ANGPT2: variants seen among roughly 807,000 people sequenced by gnomAD.
ANGPT2 encodes angiopoietin-2.
A neutral mutation model predicts 62.9 loss-of-function variants in ANGPT2; 28 were observed. That is an observed-to-expected ratio of 0.44 (90% CI 0.33 to 0.61). The LOEUF (loss-of-function observed/expected upper bound fraction) is 0.61, where lower values mean the gene tolerates loss of function less well. Ranked by LOEUF, ANGPT2 falls within the 20% of genes least tolerant of loss-of-function variation. The probability of loss-of-function intolerance (pLI) is 0.03; values close to 1 mark genes in which losing one functional copy is unlikely to be tolerated. For missense variants in ANGPT2, 727 were observed against 594.9 expected (o/e 1.22, Z -2.31); for synonymous variants, 284 against 207.8 (o/e 1.37, Z -3.15).
chr8:6,521,034 T>C, intron 4 of ANGPT2, 144 bp downstream of exon 4: 3 of 628,506 alleles, frequency 4.8e-6, no homozygotes, highest in Non-Finnish European at 8.1e-6. Context: ...CCTTCTCTTC[T>C]TCCTTCATTT....
intron 3 of ANGPT2, among the ~76,000 whole-genome samples, chr8:6,525,989 G>A (rs1402807956): frequency 2.0e-5 from 3 of 152,146 alleles, no homozygotes; most frequent in African/African-American, 4.8e-5. Context: ...ATTAGGGTAT[G>A]TTCTACAAAC....
intron 8 of ANGPT2, among the ~76,000 whole-genome samples, chr8:6,507,054 C>T (rs2442467): frequency 0.18 from 28,075 of 151,898 alleles, 3,414 homozygotes; most frequent in African/African-American, 0.35. Flanking sequence ...TATGCCACCA[C>T]GCCTGGCTAA....
chr8:6,533,052 C>T lies in ANGPT2; in HGVS notation c.289-565G>A, dbSNP rs183460292. 1.6e-4 allele frequency among the ~76,000 whole-genome samples: 24 copies of T among 152,352 alleles called. No homozygotes were observed. In the East Asian group the frequency reaches 3.7e-3, roughly 23 times the overall value. On this transcript the variant is annotated intron_variant, in intron 1 of 8. Transcript: ENST00000629816. ...TCCACATTCTGTGGGGTCTTCCCCA[C>T]CTTCCTCCGTATTGAGTTAATTCGA...
chr8:6,512,080 C>T (rs1483891967), intron 7 of ANGPT2, among the ~76,000 whole-genome samples: 2 of 152,064 alleles, frequency 1.3e-5, no homozygotes, highest in South Asian at 4.2e-4. Context: ...TCTCATTCAT[C>T]TCGGTTGTTG....
rs1252116946 is a variant in ANGPT2, at chr8:6,500,696, C to G, written c.*2405G>C. 1 of 152,114 alleles carries G rather than the reference C, an allele frequency of 6.6e-6. No individual in the cohort carries two copies. The highest frequency in any genetic ancestry group is 1.5e-5 in the Non-Finnish European group (1 of 68,032). The allele number at this position is 152,114 out of a possible 1,614,324, so 9.4% of individuals were successfully genotyped here. On this transcript the variant is annotated 3_prime_UTR_variant, in exon 9 of 9. Transcript: ENST00000629816. Reference sequence around the variant, plus strand: ...AGATTACTGTTTGATTTCCTTTCAGCTTTATAAACATTTTCTTAAGGAGAG... The same window carrying G: ...AGATTACTGTTTGATTTCCTTTCAGGTTTATAAACATTTTCTTAAGGAGAG...
intron 2 of ANGPT2, among the ~76,000 whole-genome samples, chr8:6,532,066 T>C (rs1004362571): frequency 2.6e-5 from 4 of 152,176 alleles, no homozygotes; most frequent in Non-Finnish European, 5.9e-5. Flanking sequence ...CTTGCAGTGG[T>C]TGGGATGCGT....
chr8:6,556,140 G>A (rs1248682576), intron 1 of ANGPT2, among the ~76,000 whole-genome samples: 1 of 151,962 alleles, frequency 6.6e-6, no homozygotes, highest in South Asian at 2.1e-4. Flanking sequence ...AACTTCTCAG[G>A]CTCACTTTTT....
intron 1 of ANGPT2, among the ~76,000 whole-genome samples, chr8:6,540,912 C>T (rs965798107): frequency 2.0e-5 from 3 of 152,264 alleles, no homozygotes; most frequent in Non-Finnish European, 2.9e-5. Context: ...CCCAAGGAGC[C>T]CTGGGACAGT....
chr8:6,551,842 G>A (rs776899100), intron 1 of ANGPT2, among the ~76,000 whole-genome samples: 52 of 152,294 alleles, frequency 3.4e-4, no homozygotes, highest in Non-Finnish European at 5.9e-4. Context: ...ACTTTCTCGA[G>A]CAGAATTTTT....
At chr8:6,522,699 G>A (rs543115054) in intron 3 of ANGPT2, among the ~76,000 whole-genome samples, 76 of 151,638 alleles carry the variant, frequency 5.0e-4, no homozygotes, top group African/African-American at 1.8e-3. Flanking sequence ...GCTTGAACCC[G>A]GGAGGTGGAG....
chr8:6,513,869 A>C (rs373029452), intron 6 of ANGPT2, 25 bp from the exon 7 acceptor site: 1 of 1,580,784 alleles, frequency 6.3e-7, no homozygotes, highest in Non-Finnish European at 8.6e-7. Context: ...GTTAAATTCA[A>C]TTATTTCATG....
chr8:6,535,892 CAA>C (rs373792367), intron 1 of ANGPT2, among the ~76,000 whole-genome samples: 28,873 of 130,728 alleles, frequency 0.22, 3,445 homozygotes, highest in Admixed American at 0.31. Flanking sequence ...ACAAAAAATA[CAA>C]AAAAAAAAAA....
At chr8:6,555,432 T>C (rs914525165) in intron 1 of ANGPT2, among the ~76,000 whole-genome samples, 13 of 151,448 alleles carry the variant, frequency 8.6e-5, no homozygotes, top group African/African-American at 3.2e-4. Context: ...CTCTTGGTTA[T>C]AACATAATTT....
intron 1 of ANGPT2, among the ~76,000 whole-genome samples, chr8:6,535,619 C>T (rs1820343270): frequency 6.6e-6 from 1 of 152,078 alleles, no homozygotes; most frequent in South Asian, 2.1e-4. Context: ...ATATATACAG[C>T]TCTTGAAGCA....
chr8:6,531,186 G>A (rs73507122), intron 2 of ANGPT2, among the ~76,000 whole-genome samples: 2,329 of 151,616 alleles, frequency 0.015, 59 homozygotes, highest in African/African-American at 0.053. Context: ...CAGGCCGTTC[G>A]CTGGGTCACA....
At chr8:6,504,281 GC>G (rs1812810470) in intron 8 of ANGPT2, among the ~76,000 whole-genome samples, 1 of 131,460 alleles carries the variant, frequency 7.6e-6, no homozygotes, top group Admixed American at 9.2e-5. Context: ...TCGCGCCACT[GC>G]ACTCCAGCCT....
chr8:6,510,280 C>T (rs745467308), intron 7 of ANGPT2, among the ~76,000 whole-genome samples: 29 of 151,860 alleles, frequency 1.9e-4, no homozygotes, highest in African/African-American at 3.4e-4. Context: ...CATGTTGGCA[C>T]GTTGGGTCCT....
chr8:6,554,307 AG>A (rs1190299197), intron 1 of ANGPT2, among the ~76,000 whole-genome samples: 4 of 143,710 alleles, frequency 2.8e-5, no homozygotes, highest in African/African-American at 8.8e-5. Flanking sequence ...TTAAAAAGAG[AG>A]AAAAAAAAAA....
chr8:6,508,139 A>T lies in ANGPT2; in HGVS notation c.1327+793T>A, dbSNP rs183519259. On this transcript the variant is annotated intron_variant, in intron 8 of 8. Transcript: ENST00000629816. ...GTGTTTATAGGTGTTGCTATATATT[A>T]ATGGAATCTTTTTTAAAAAGACAGC... The T allele has an allele frequency of 2.0e-5, 3 of 152,346 alleles. No homozygotes were observed. In the East Asian group the frequency reaches 5.8e-4, roughly 29 times the overall value. The allele number at this position is 152,346 out of a possible 1,614,324, so 9.4% of individuals were successfully genotyped here.
Sources: allele counts gnomAD v4.1 joint callset (sites outside exome capture counted in the v4.1 genomes callset), GRCh38; gene constraint gnomAD v4.1.1; transcripts MANE v1.5; gene names NCBI Gene and HGNC (gene_info 2026-07-23, HGNC 2026-07-21).